FCGR3B: variants seen among roughly 807,000 people sequenced by gnomAD.
FCGR3B encodes low affinity immunoglobulin gamma Fc region receptor III-B.
A neutral mutation model predicts 26.7 loss-of-function variants in FCGR3B; 20 were observed. The observed-to-expected ratio is 0.75, with a 90% CI of 0.53 to 1.09. The LOEUF is 1.09. Among genes scored for constraint, FCGR3B ranks in the 50% least tolerant of loss-of-function variants. The probability of loss-of-function intolerance (pLI) is 0.00; values close to 1 mark genes in which losing one functional copy is unlikely to be tolerated. For missense variants in FCGR3B, 191 were observed against 279.7 expected, an observed-to-expected ratio of 0.68 and a Z score of 2.26; for synonymous variants, 79 against 107.0, an observed-to-expected ratio of 0.74 and a Z score of 1.62.
chr1:161,626,874 G>A (rs1679490550), intron 3 of FCGR3B, among the ~76,000 whole-genome samples: 1 of 150,314 alleles, frequency 6.7e-6, no homozygotes, highest in Non-Finnish European at 1.5e-5. Context: ...TGGCCTTCAG[G>A]AATAAGCTGA....
At chr1:161,631,246 T>A (rs773701602), upstream of FCGR3B, 280 of 1,538,984 alleles carry the variant, frequency 1.8e-4, 3 homozygotes, top group Non-Finnish European at 2.4e-4. Flanking sequence ...TTCATCTGAT[T>A]TCTCAATCTG....
rs201152581 is a variant in FCGR3B, at chr1:161,629,865, C to T, written c.232G>A (p.Ala78Thr). The T allele has an allele frequency of 3.4e-4, 509 of 1,491,518 alleles. 87 individuals are homozygous for T. The African/African-American group carries it at 8.5e-3, about 25-fold the overall frequency. The allele number at this position is 1,491,518 out of a possible 1,614,324, so 92.4% of individuals were successfully genotyped here. The change falls in exon 3 of 5, where the codon GCT (alanine) becomes ACT (threonine). Residue 78 changes from alanine to threonine, a missense_variant. Physicochemically the swap from Ala to Thr is moderately conservative, Grantham distance 58 (BLOSUM62 0). Around this residue, in one of 2 missense-constraint regions of FCGR3B, gnomAD observed 88 missense variants for 165.2 expected, o/e 0.53. Transcript: ENST00000650385. ...TCTCCACTGTCGTTGACTGTGGCAG[C>T]GTCAATGAAGTAGCTCGAGGCCTGG... is the stretch of plus-strand genomic sequence containing the variant. The part of the protein sequence containing the change: ...SSQASSYFID[A>T]ATVNDSGEYR...
At position 161,623,636 on chromosome 1, in the gene FCGR3B, C is replaced by G. The variant is rs868132483; in HGVS notation, c.*879G>C. The G allele has an allele frequency of 1.3e-5, 2 of 148,670 alleles. No individual in the cohort carries two copies. Among genetic ancestry groups the G allele is most frequent in the African/African-American group, 5.0e-5 (2 of 39,634 alleles). The allele number at this position is 148,670 out of a possible 1,614,324, so 9.2% of individuals were successfully genotyped here. On this transcript the variant is annotated 3_prime_UTR_variant, in exon 5 of 5. Coordinates refer to ENST00000650385, the MANE Select transcript of FCGR3B (RefSeq NM_001244753.2). Reference sequence around the variant, plus strand: ...TTGGTTCTTTCTTCTCAGGCTTTCTCATTCTGATGCTGAGATAGTTCTGTT... The same window carrying G: ...TTGGTTCTTTCTTCTCAGGCTTTCTGATTCTGATGCTGAGATAGTTCTGTT...
In FCGR3B at chr1:161,623,969, C is replaced by G. The variant is rs982867554; in HGVS notation, c.*546G>C. 4 of 152,312 alleles carry G rather than the reference C, an allele frequency of 2.6e-5. No homozygotes were observed. Among genetic ancestry groups the G allele is most frequent in the African/African-American group, 7.5e-5 (3 of 40,252 alleles). The allele number at this position is 152,312 out of a possible 1,614,324, so 9.4% of individuals were successfully genotyped here. The stretch of plus-strand genomic sequence containing the variant: ...CTGGACTACCCTGCTATTTCTCAGC[C>G]ATGCTTTCATTGGTCCCACTGAATT... On this transcript the variant is annotated 3_prime_UTR_variant, in exon 5 of 5. Transcript: ENST00000650385.
In FCGR3B at chr1:161,624,375, G is replaced by A; in HGVS notation, c.*140C>T. 9.9e-7 allele frequency: 1 copy of A among 1,012,984 alleles called. No homozygotes were observed. The highest frequency in any genetic ancestry group is 2.4e-5 in the East Asian group (1 of 41,242). The allele number at this position is 1,012,984 out of a possible 1,614,324, so 62.7% of individuals were successfully genotyped here. ...CCTGCTGCTTGTAGAGAGGCCTGAG[G>A]ATGATGGGGTTGCAAATCCAGAGAA... On this transcript the variant is annotated 3_prime_UTR_variant, in exon 5 of 5. Coordinates refer to ENST00000650385, the MANE Select transcript of FCGR3B (RefSeq NM_001244753.2).
intron 3 of FCGR3B, among the ~76,000 whole-genome samples, chr1:161,627,274 A>T (rs1009840849): frequency 1.3e-5 from 2 of 150,392 alleles, no homozygotes; most frequent in Non-Finnish European, 3.0e-5. Flanking sequence ...TATTATGCAC[A>T]GAAAAAAGAA....
chr1:161,626,373 C>T lies in FCGR3B; in HGVS notation c.349G>A (p.Val117Met). ...TGAATAGGGTCTTCCTCCTTGAACA[C>T]CCACCGAGGGGCCTGGAGCAACAGC... ...GWLLLQAPRW[V>M]FKEEDPIHLR... Residue 117 changes from valine to methionine, a missense_variant, in exon 4 of 5, where the codon GTG becomes ATG. Val to Met is a conservative substitution (Grantham distance 21). This residue lies in a region of FCGR3B where 88 missense variants were observed against 165.2 expected (regional missense o/e 0.53). Coordinates refer to ENST00000650385, the MANE Select transcript of FCGR3B (RefSeq NM_001244753.2). The T allele has an allele frequency of 6.2e-7, 1 of 1,609,154 alleles. No homozygotes were observed. The highest frequency in any genetic ancestry group is 1.1e-5 in the South Asian group (1 of 90,596).
intron 1 of FCGR3B, 194 bp downstream of exon 1, chr1:161,630,861 A>G: frequency 1.5e-6 from 2 of 1,350,896 alleles, no homozygotes; most frequent in East Asian, 2.6e-5. Flanking sequence ...ACTCATGACT[A>G]TGACCCAATT....
In FCGR3B at chr1:161,624,618, G is replaced by A. The variant is rs978928295; in HGVS notation, c.599C>T (p.Ser200Leu). Residue 200 changes from serine to leucine, a missense_variant, in exon 5 of 5, where the codon TCA becomes TTA. Around this residue, in one of 2 missense-constraint regions of FCGR3B, gnomAD observed 103 missense variants for 114.5 expected, o/e 0.90. Transcript: ENST00000650385. The stretch of plus-strand genomic sequence containing the variant: ...TTGGTACCCAGGTGGAGAGAATGAT[G>A]AGATGGTTGACACTGCCAAACCTAT... ...ITQGLAVSTI[S>L]SFSPPGYQVS... The A allele has an allele frequency of 1.2e-6, 2 of 1,606,216 alleles. No individual in the cohort carries two copies. The highest frequency in any genetic ancestry group is 1.7e-6 in the Non-Finnish European group (2 of 1,176,528).
chr1:161,630,654 C>T, intron 1 of FCGR3B: 1 of 564,660 alleles, frequency 1.8e-6, no homozygotes, highest in East Asian at 3.0e-5. Context: ...ATTAAGGGTA[C>T]AGGTTGAATT....
rs556724032 is a variant in FCGR3B at position 161,625,149 on chromosome 1, G to T, written c.578-510C>A. 2.5e-4 allele frequency among the ~76,000 whole-genome samples: 34 copies of T among 133,974 alleles called. 3 individuals are homozygous for T. In the South Asian group the frequency reaches 8.4e-3, roughly 33 times the overall value. 87.9% of individuals were successfully genotyped at this position (133,974 alleles called of 152,430 possible). ...GCTCTCTTTCCCTAACCACTTGGGA[G>T]TATTTACTTTCAGTTTAAAGTGTCA... On this transcript the variant is annotated intron_variant, in intron 4 of 4. Transcript: ENST00000650385.
chr1:161,630,723 A>G lies in FCGR3B; in HGVS notation c.40+332T>C, dbSNP rs188118902. ...CATATCCCCACAAGAAAGGGTAGAA[A>G]TTAAAAACCATAGAGGAGAACCCTG... On this transcript the variant is annotated intron_variant, in intron 1 of 4. Coordinates refer to ENST00000650385, the MANE Select transcript of FCGR3B (RefSeq NM_001244753.2). The G allele has an allele frequency of 6.8e-3, 3,765 of 555,126 alleles. 98 individuals carry two copies. The highest frequency in any genetic ancestry group is 8.5e-3 in the Non-Finnish European group (2,735 of 321,700). The allele number at this position is 555,126 out of a possible 1,614,324, so 34.4% of individuals were successfully genotyped here.
In FCGR3B at chr1:161,624,794, C is replaced by T. The variant is rs1679381607; in HGVS notation, c.578-155G>A. On this transcript the variant is annotated intron_variant, in intron 4 of 4. Coordinates refer to ENST00000650385, the MANE Select transcript of FCGR3B (RefSeq NM_001244753.2). ...GTCTGGGGGAAAGTATTGCTTCCTC[C>T]CATTGGTTCCTGATCTTAGTGCTAT... Among the ~76,000 whole-genome samples, 4 of 148,328 alleles carry T rather than the reference C, an allele frequency of 2.7e-5. No homozygotes were observed. In the Admixed American group the frequency reaches 2.7e-4, roughly 10 times the overall value.
In FCGR3B at chr1:161,624,364, A is replaced by G; in HGVS notation, c.*151T>C. ...GTTCTATGTTTCCTGCTGCTTGTAG[A>G]GAGGCCTGAGGATGATGGGGTTGCA... On this transcript the variant is annotated 3_prime_UTR_variant, in exon 5 of 5. Transcript: ENST00000650385. 1.1e-6 allele frequency: 1 copy of G among 875,814 alleles called. No individual in the cohort carries two copies. The highest frequency in any genetic ancestry group is 1.9e-5 in the South Asian group (1 of 52,578). 54.3% of individuals were successfully genotyped at this position (875,814 alleles called of 1,614,324 possible). A position where few individuals can be genotyped will look rare whatever the true frequency, so the allele number is the denominator to read the frequency against.
upstream of FCGR3B, chr1:161,631,410 C>G (rs931575643): frequency 2.8e-5 from 16 of 578,916 alleles, 2 homozygotes; most frequent in African/African-American, 3.1e-4. Flanking sequence ...CCTCAGCTTT[C>G]CCAGGATGCT....
In FCGR3B at chr1:161,624,596, G is replaced by A; in HGVS notation, c.621C>T (p.Tyr207=). The A allele has an allele frequency of 1.2e-6, 2 of 1,606,662 alleles. No homozygotes were observed. The highest frequency in any genetic ancestry group is 1.7e-6 in the Non-Finnish European group (2 of 1,176,670). ...STISSFSPPG[Y]QVSFCLVMVL... ...CCATCACCAAGCAGAAAGAGACTTG[G>A]TACCCAGGTGGAGAGAATGATGAGA... The change falls in exon 5 of 5, where the codon TAC becomes TAT. Residue 207 remains tyrosine (Y), a synonymous_variant. Coordinates refer to ENST00000650385, the MANE Select transcript of FCGR3B (RefSeq NM_001244753.2).
At chr1:161,631,193 C>G (rs189047104), upstream of FCGR3B, 36 of 1,595,042 alleles carry the variant, frequency 2.3e-5, no homozygotes, top group East Asian at 7.6e-4. Flanking sequence ...TCCCCAGTCC[C>G]TCCACCCATC....
upstream of FCGR3B, chr1:161,631,600 C>G (rs1216790321): frequency 4.5e-5 from 15 of 335,846 alleles, 1 homozygote; most frequent in Non-Finnish European, 6.7e-5. Flanking sequence ...TGCCTGCACA[C>G]AGAAAGTTGT....
chr1:161,624,848 T>G lies in FCGR3B; in HGVS notation c.578-209A>C, dbSNP rs1172995599. Among the ~76,000 whole-genome samples, 111 of 148,070 alleles carry G rather than the reference T, an allele frequency of 7.5e-4. No homozygotes were observed. The Middle Eastern group carries it at 0.01, about 14-fold the overall frequency. ...AGCAGAGGACAGCTCACCAAACACTTAGCAAAGGCTCCTGCTTGTTTGACA... is the reference window on the plus strand; with the variant it reads ...AGCAGAGGACAGCTCACCAAACACTGAGCAAAGGCTCCTGCTTGTTTGACA... On this transcript the variant is annotated intron_variant, in intron 4 of 4. Coordinates refer to ENST00000650385, the MANE Select transcript of FCGR3B (RefSeq NM_001244753.2).
Sources: allele counts gnomAD v4.1 joint callset (sites outside exome capture counted in the v4.1 genomes callset), GRCh38; gene constraint gnomAD v4.1.1; regional missense constraint gnomAD v4.1.1; transcripts MANE v1.5; gene names NCBI Gene and HGNC (gene_info 2026-07-23, HGNC 2026-07-21).